The following PPP1R42 variants were observed in gnomAD, a reference collection of about 807,000 sequenced individuals.
PPP1R42 encodes the protein protein phosphatase 1 regulatory subunit 42, also known as leucine rich repeat containing 67.
In PPP1R42, 34 loss-of-function variants were observed where a neutral mutation model predicts 31.0. That is an observed-to-expected ratio of 1.10 (90% confidence interval 0.83 to 1.46). PPP1R42 has a LOEUF of 1.46. PPP1R42 is among the 40% of genes most tolerant of loss of function. The pLI, the probability that PPP1R42 is intolerant of heterozygous loss-of-function variation, is 0.00. For synonymous variants in PPP1R42, 103 were observed against 109.8 expected (o/e 0.94, Z 0.39); for missense variants, 268 against 303.0 (o/e 0.88, Z 0.86).
chr8:66,979,836 CAT>C (rs1204825238), intron 7 of PPP1R42, among the ~76,000 whole-genome samples: 3 of 151,928 alleles, frequency 2.0e-5, no homozygotes, highest in East Asian at 1.9e-4. Flanking sequence ...AATTTAAAGA[CAT>C]ATTATTATTT....
intron 6 of PPP1R42, chr8:66,986,159 G>A (rs1422276042): frequency 1.4e-5 from 9 of 630,136 alleles, no homozygotes; most frequent in Non-Finnish European, 2.7e-5. Context: ...GAGAAACCCA[G>A]CACGCTTTTC....
At chr8:66,964,424 A>G (rs554649234) in intron 7 of PPP1R42, 90 bp from the exon 8 acceptor site, 1 of 537,814 alleles carries the variant, frequency 1.9e-6, no homozygotes, top group South Asian at 2.1e-5. Context: ...CTAGGACACA[A>G]TAACAATATT....
rs570791372 is a variant in PPP1R42, at chr8:66,978,292, A to G, written c.802+3757T>C. 2.6e-5 allele frequency among the ~76,000 whole-genome samples: 4 copies of G among 152,262 alleles called. No homozygotes were observed. The South Asian group carries it at 6.2e-4, about 24-fold the overall frequency. ...TCAGATCTCATGAGACTTATCCACTATCACAAGAACAGTATGGGGGAAACC... is the reference window on the plus strand; with the variant it reads ...TCAGATCTCATGAGACTTATCCACTGTCACAAGAACAGTATGGGGGAAACC... On this transcript the variant is annotated intron_variant, in intron 7 of 7. Coordinates refer to ENST00000685739, the MANE Select transcript of PPP1R42 (RefSeq NM_001364910.1).
In PPP1R42 at chr8:66,970,858, A is replaced by T. The variant is rs142656243; in HGVS notation, c.803-6524T>A. 2.7e-5 allele frequency: 22 copies of T among 810,160 alleles called. No homozygotes were observed. The African/African-American group carries it at 3.7e-4, about 14-fold the overall frequency. 50.2% of individuals were successfully genotyped at this position (810,160 alleles called of 1,614,324 possible). A position where few individuals can be genotyped will look rare whatever the true frequency, so the allele number is the denominator to read the frequency against. On this transcript the variant is annotated intron_variant, in intron 7 of 7. Coordinates refer to ENST00000685739, the MANE Select transcript of PPP1R42 (RefSeq NM_001364910.1). ...TTTTCTTTCTTTCTATGTTTGGCCA[A>T]AAAGGATTGAGAACAAAGAACTAGG...
In PPP1R42 at chr8:66,982,107, G is replaced by A; in HGVS notation, c.744C>T (p.Ala248=). The A allele has an allele frequency of 1.3e-6, 2 of 1,488,220 alleles. No individual in the cohort carries two copies. The highest frequency in any genetic ancestry group is 1.8e-6 in the Non-Finnish European group (2 of 1,130,060). 92.2% of individuals were successfully genotyped at this position (1,488,220 alleles called of 1,614,324 possible). A position where few individuals can be genotyped will look rare whatever the true frequency, so the allele number is the denominator to read the frequency against. Residue 248 remains alanine (A), a synonymous_variant, in exon 7 of 8, where the codon GCC becomes GCT. Coordinates refer to ENST00000685739, the MANE Select transcript of PPP1R42 (RefSeq NM_001364910.1). ...TGCTCCTTTTTTTGCTGATTTTCTT[G>A]GCATCTTTGGATGCTTTCCAATTCA... ...FLMNWKASKD[A]KKISKKRSSK...
chr8:67,001,301 T>C (rs756132071), intron 5 of PPP1R42, among the ~76,000 whole-genome samples: 2 of 150,914 alleles, frequency 1.3e-5, no homozygotes, highest in Admixed American at 1.3e-4. Flanking sequence ...TCCTCCCACC[T>C]TGGCCTCCTA....
chr8:66,976,049 C>T (rs1002992121), intron 7 of PPP1R42, among the ~76,000 whole-genome samples: 16 of 152,190 alleles, frequency 1.1e-4, no homozygotes, highest in Non-Finnish European at 2.1e-4. Flanking sequence ...GTATTTACAG[C>T]TGCTCTCCAT....
chr8:67,010,825 G>C lies in PPP1R42; in HGVS notation c.442C>G (p.Leu148Val). The C allele has an allele frequency of 1.9e-6, 3 of 1,579,146 alleles. No homozygotes were observed. The highest frequency in any genetic ancestry group is 2.6e-6 in the Non-Finnish European group (3 of 1,162,848). The change falls in exon 5 of 8, where the codon CTC (leucine) becomes GTC (valine). Residue 148 changes from leucine to valine, a missense_variant. Physicochemically the swap from Leu to Val is conservative, Grantham distance 32. Transcript: ENST00000685739. ...TTATTGCTGATATTCAATATACAGA[G>C]GGATTTCTGTAAGAAAAATAACGAA... ...PRTLHSLAKS[L>V]CILNISNNNI...
At chr8:66,985,533 CG>C (rs1172886479) in intron 6 of PPP1R42, 1 of 1,280,640 alleles carries the variant, frequency 7.8e-7, no homozygotes. Flanking sequence ...GGAGATTAGA[CG>C]GGCCCACCAT....
intron 1 of PPP1R42, among the ~76,000 whole-genome samples, chr8:67,022,920 A>G (rs1340977349): frequency 6.6e-6 from 1 of 152,162 alleles, no homozygotes; most frequent in African/African-American, 2.4e-5. Context: ...CATTTCATGA[A>G]AAGTCCTTTC....
intron 5 of PPP1R42, among the ~76,000 whole-genome samples, chr8:66,991,174 G>T (rs1002685685): frequency 6.6e-6 from 1 of 152,106 alleles, no homozygotes; most frequent in Non-Finnish European, 1.5e-5. Context: ...TATAGGTAAA[G>T]ATTAAACTTT....
intron 5 of PPP1R42, among the ~76,000 whole-genome samples, chr8:66,999,379 C>G (rs1815420451): frequency 6.6e-6 from 1 of 152,190 alleles, no homozygotes; most frequent in South Asian, 2.1e-4. Flanking sequence ...TGCCACCACA[C>G]CCAGCTAATT....
Position 66,966,924 on chromosome 8 carries a change from CAG to C in PPP1R42, c.803-2592_803-2591del, listed in dbSNP as rs756504687. Among the ~76,000 whole-genome samples the C allele has an allele frequency of 3.3e-4, 50 of 152,218 alleles. 1 individual carries two copies. Among genetic ancestry groups the C allele is most frequent in the Non-Finnish European group, 5.7e-4 (39 of 67,998 alleles). ...AGTAAACCATTGACAGAGTTGAGAT[CAG>C]AAGTCACAAAAACTAGCTTGTTTTA... On this transcript the variant is annotated intron_variant, in intron 7 of 7. Transcript: ENST00000685739.
chr8:66,982,831 A>G (rs1240468544), intron 6 of PPP1R42, among the ~76,000 whole-genome samples: 1 of 152,146 alleles, frequency 6.6e-6, no homozygotes, highest in South Asian at 2.1e-4. Flanking sequence ...GCTGGAATGC[A>G]GTGGCATGAT....
chr8:67,022,844 T>A (rs969257677), intron 1 of PPP1R42, among the ~76,000 whole-genome samples: 3 of 152,096 alleles, frequency 2.0e-5, no homozygotes, highest in African/African-American at 4.8e-5. Flanking sequence ...AGATTAATAA[T>A]CTCTCTCTCT....
At chr8:67,010,171 T>C (rs1212998324) in intron 5 of PPP1R42, among the ~76,000 whole-genome samples, 1 of 152,228 alleles carries the variant, frequency 6.6e-6, no homozygotes, top group Non-Finnish European at 1.5e-5. Flanking sequence ...TGTTCTACAC[T>C]GAGTAGTATT....
intron 6 of PPP1R42, among the ~76,000 whole-genome samples, chr8:66,982,524 T>C (rs1237406288): frequency 6.6e-6 from 1 of 152,128 alleles, no homozygotes; most frequent in Non-Finnish European, 1.5e-5. Flanking sequence ...GGAGTGAACT[T>C]GGCTTACAGC....
At chr8:67,007,022 C>T (rs1039998919) in intron 5 of PPP1R42, among the ~76,000 whole-genome samples, 7 of 151,506 alleles carry the variant, frequency 4.6e-5, no homozygotes, top group African/African-American at 7.3e-5. Flanking sequence ...GGATCACAGG[C>T]GTAAGCCACT....
intron 1 of PPP1R42, among the ~76,000 whole-genome samples, chr8:67,026,004 C>CAA (rs534627312): frequency 1.2e-5 from 1 of 82,816 alleles, no homozygotes; most frequent in Admixed American, 1.4e-4. Context: ...GACTCCGTCT[C>CAA]AAAAAAAAAA....
Sources: gnomAD v4.1 joint callset for allele counts (sites outside exome capture counted in the v4.1 genomes callset) on GRCh38, gnomAD v4.1.1 for gene constraint, MANE v1.5 for transcripts, NCBI Gene and HGNC (gene_info 2026-07-23, HGNC 2026-07-21) for gene names.